Variants in SNX3 observed in about 807,000 individuals in gnomAD.
The protein encoded by SNX3 is sorting nexin 3.
SNX3 carries 5 observed loss-of-function variants against 17.7 expected under a neutral mutation model. That is an observed-to-expected ratio of 0.28 (90% confidence interval 0.15 to 0.59). SNX3 has a LOEUF of 0.59. SNX3 is among the 20% of genes least tolerant of loss of function. SNX3 has a pLI of 0.88. For missense variants in SNX3, 132 were observed against 206.8 expected (o/e 0.64, Z 2.22); for synonymous variants, 91 against 76.5 (o/e 1.19, Z -0.99).
intron 1 of SNX3, among the ~76,000 whole-genome samples, chr6:108,246,384 G>GC: frequency 7.5e-6 from 1 of 133,812 alleles, no homozygotes; most frequent in Non-Finnish European, 1.5e-5. Context: ...GACTACAGTG[G>GC]TGCAATCTCA....
chr6:108,253,474 G>C (rs1401755872), intron 1 of SNX3, among the ~76,000 whole-genome samples: 1 of 150,496 alleles, frequency 6.6e-6, no homozygotes, highest in Non-Finnish European at 1.5e-5. Flanking sequence ...TGCAAGACAA[G>C]GGCAAAAAGA....
At chr6:108,223,400 A>C (rs1774868429) in intron 1 of SNX3, among the ~76,000 whole-genome samples, 2 of 151,730 alleles carry the variant, frequency 1.3e-5, no homozygotes, top group Admixed American at 6.6e-5. Flanking sequence ...GGCCTCCCAA[A>C]GTGCTGGGAT....
chr6:108,240,736 G>A (rs984057133), intron 1 of SNX3, among the ~76,000 whole-genome samples: 1 of 152,062 alleles, frequency 6.6e-6, no homozygotes, highest in Admixed American at 6.6e-5. Flanking sequence ...CTAATATTGC[G>A]GCAACCCAAG....
At chr6:108,256,006 T>C (rs1163079790) in intron 1 of SNX3, among the ~76,000 whole-genome samples, 1 of 151,982 alleles carries the variant, frequency 6.6e-6, no homozygotes, top group Non-Finnish European at 1.5e-5. Context: ...GAGGTGGGAG[T>C]ATCACTTGAG....
intron 3 of SNX3, among the ~76,000 whole-genome samples, chr6:108,212,882 CTTTT>C (rs776376957): frequency 5.0e-5 from 6 of 118,948 alleles, no homozygotes; most frequent in Admixed American, 9.0e-5. Flanking sequence ...TCCTAAGAAT[CTTTT>C]TTTTTTTTTT....
chr6:108,245,898 T>C (rs1413049897), intron 1 of SNX3, among the ~76,000 whole-genome samples: 1 of 152,240 alleles, frequency 6.6e-6, no homozygotes, highest in Non-Finnish European at 1.5e-5. Flanking sequence ...GTAGGTTGCC[T>C]GTTCACTCTG....
chr6:108,251,498 T>C (rs1320748560), intron 1 of SNX3, among the ~76,000 whole-genome samples: 1 of 152,162 alleles, frequency 6.6e-6, no homozygotes, highest in Non-Finnish European at 1.5e-5. Flanking sequence ...ATAATACGAC[T>C]TCCTGGTTGT....
chr6:108,258,341 C>A (rs986715404), intron 1 of SNX3, among the ~76,000 whole-genome samples: 2 of 152,024 alleles, frequency 1.3e-5, no homozygotes, highest in East Asian at 2.0e-4. Flanking sequence ...GCCTGTAATC[C>A]CAGCTACTCA....
chr6:108,238,234 G>T (rs964036725), intron 1 of SNX3, among the ~76,000 whole-genome samples: 1 of 151,620 alleles, frequency 6.6e-6, no homozygotes. Flanking sequence ...ACACAGTTAA[G>T]AATTATAAGA....
chr6:108,226,220 G>A (rs907279491), intron 1 of SNX3, among the ~76,000 whole-genome samples: 6 of 152,008 alleles, frequency 3.9e-5, no homozygotes, highest in Non-Finnish European at 8.8e-5. Context: ...GACTATAGGC[G>A]CATGCCATCA....
intron 1 of SNX3, among the ~76,000 whole-genome samples, chr6:108,259,464 C>A (rs894242183): frequency 3.3e-5 from 5 of 152,074 alleles, no homozygotes; most frequent in African/African-American, 1.2e-4. Context: ...AACTCCTGAC[C>A]TCGGTGATCC....
chr6:108,222,309 T>G (rs1459206124), intron 2 of SNX3: 1 of 1,304,174 alleles, frequency 7.7e-7, no homozygotes, highest in Admixed American at 2.3e-5. Flanking sequence ...CTGATGTCAT[T>G]CTGAGGCAGG....
chr6:108,221,157 T>C (rs1424349407), intron 2 of SNX3, among the ~76,000 whole-genome samples: 1 of 152,214 alleles, frequency 6.6e-6, no homozygotes, highest in Non-Finnish European at 1.5e-5. Context: ...AGTTAGAAGA[T>C]ACTGCTCTAC....
At chr6:108,217,121 C>T (rs769329466) in intron 2 of SNX3, among the ~76,000 whole-genome samples, 1 of 151,856 alleles carries the variant, frequency 6.6e-6, no homozygotes, top group Non-Finnish European at 1.5e-5. Context: ...AAATGACCAC[C>T]ATTAATTCAG....
rs139951774 is a variant in SNX3, at chr6:108,233,168, C to G, written c.163-10123G>C. Among the ~76,000 whole-genome samples, 152 of 152,260 alleles carry G rather than the reference C, an allele frequency of 1.0e-3. 2 individuals carry two copies. In the East Asian group the frequency reaches 0.027, roughly 27 times the overall value. ...ATACTTTTCCTACATTGTCCATATT[C>G]TTCATTTGTGAATTAGCAACAAGAC... On this transcript the variant is annotated intron_variant, in intron 1 of 3. Coordinates refer to ENST00000230085, the MANE Select transcript of SNX3 (RefSeq NM_003795.6).
chr6:108,220,136 T>C (rs943311422), intron 2 of SNX3, among the ~76,000 whole-genome samples: 1 of 152,122 alleles, frequency 6.6e-6, no homozygotes, highest in African/African-American at 2.4e-5. Flanking sequence ...AAGTAAAAAG[T>C]TTAAAAAGTA....
intron 1 of SNX3, among the ~76,000 whole-genome samples, chr6:108,254,139 A>C (rs1775960944): frequency 6.6e-6 from 1 of 151,356 alleles, no homozygotes; most frequent in African/African-American, 2.4e-5. Flanking sequence ...AGAAAAAAAA[A>C]AAAACCGCCA....
At chr6:108,235,128 G>A (rs1251673378) in intron 1 of SNX3, among the ~76,000 whole-genome samples, 7 of 152,134 alleles carry the variant, frequency 4.6e-5, no homozygotes, top group Admixed American at 4.6e-4. Context: ...TCTCACATTG[G>A]CTTGGCCATG....
chr6:108,245,246 T>C (rs1775647489), intron 1 of SNX3, among the ~76,000 whole-genome samples: 1 of 152,158 alleles, frequency 6.6e-6, no homozygotes, highest in East Asian at 1.9e-4. Context: ...TTGCTGAGGA[T>C]GATAGTTTCC....
Sources: gnomAD v4.1 joint callset for allele counts (sites outside exome capture counted in the v4.1 genomes callset) on GRCh38, gnomAD v4.1.1 for gene constraint, MANE v1.5 for transcripts, NCBI Gene and HGNC (gene_info 2026-07-23, HGNC 2026-07-21) for gene names.